ABHD17B: variants seen among roughly 807,000 people sequenced by gnomAD.
The protein encoded by ABHD17B is alpha/beta hydrolase domain-containing protein 17B.
Under a neutral mutation model 26.2 loss-of-function variants are expected in ABHD17B, and 9 were observed. That is an observed-to-expected ratio of 0.34 (90% CI 0.21 to 0.60). The LOEUF (loss-of-function observed/expected upper bound fraction) is 0.60, where lower values mean the gene tolerates loss of function less well. Ranked by LOEUF, ABHD17B falls within the 20% of genes least tolerant of loss-of-function variation. ABHD17B has a pLI of 0.80. For synonymous variants in ABHD17B, 127 were observed against 122.3 expected (o/e 1.04, Z -0.25); for missense variants, 224 against 352.1 (o/e 0.64, Z 2.91).
downstream of ABHD17B, chr9:71,865,056 A>T (rs546320711): frequency 5.7e-4 from 385 of 679,234 alleles, no homozygotes; most frequent in Non-Finnish European, 6.8e-4. Context: ...AATTTTAAAA[A>T]TTTTCAAACT....
chr9:71,902,897 A>G (rs1051213665), intron 1 of ABHD17B, among the ~76,000 whole-genome samples: 7 of 152,194 alleles, frequency 4.6e-5, no homozygotes, highest in Non-Finnish European at 1.0e-4. Flanking sequence ...AAGCCAAACA[A>G]GTTTGACATG....
intron 1 of ABHD17B, among the ~76,000 whole-genome samples, chr9:71,904,505 G>C (rs1827227773): frequency 6.6e-6 from 1 of 152,072 alleles, no homozygotes; most frequent in Non-Finnish European, 1.5e-5. Context: ...AAAAAAATTA[G>C]GGTCATCAGT....
Position 71,870,072 on chromosome 9 carries a change from T to C in ABHD17B, c.647+11A>G, listed in dbSNP as rs758224771. 1.9e-6 allele frequency: 3 copies of C among 1,597,438 alleles called. No homozygotes were observed. Among genetic ancestry groups the C allele is most frequent in the South Asian group, 2.3e-5 (2 of 87,784 alleles). ...TCTTGGAATTTAACTATTTTGAATA[T>C]TGCTACTTACTTTGGGAATGCATCA... On this transcript the variant is annotated intron_variant, in intron 3 of 3. Transcript: ENST00000333421.
chr9:71,887,885 C>A (rs1211785668), intron 1 of ABHD17B, among the ~76,000 whole-genome samples: 1 of 152,122 alleles, frequency 6.6e-6, no homozygotes, highest in Non-Finnish European at 1.5e-5. Context: ...ATTTCTAACC[C>A]AATTCTAACA....
intron 1 of ABHD17B, among the ~76,000 whole-genome samples, chr9:71,879,023 G>C (rs1199502683): frequency 6.6e-6 from 1 of 152,182 alleles, no homozygotes; most frequent in Non-Finnish European, 1.5e-5. Context: ...GGGCATGGTA[G>C]TGTGTGCCTG....
At chr9:71,884,577 G>A (rs1044008279) in intron 1 of ABHD17B, among the ~76,000 whole-genome samples, 3 of 151,756 alleles carry the variant, frequency 2.0e-5, no homozygotes, top group Non-Finnish European at 2.9e-5. Context: ...CATTTCTAAG[G>A]GTACATATGT....
intron 1 of ABHD17B, among the ~76,000 whole-genome samples, chr9:71,887,892 A>T (rs186120346): frequency 5.3e-4 from 80 of 152,332 alleles, no homozygotes; most frequent in African/African-American, 1.8e-3. Flanking sequence ...ACCCAATTCT[A>T]ACATAAAAGC....
chr9:71,908,955 C>T (rs1304649922), intron 1 of ABHD17B, among the ~76,000 whole-genome samples: 3 of 152,188 alleles, frequency 2.0e-5, no homozygotes, highest in Non-Finnish European at 4.4e-5. Context: ...CAGTGTCAAA[C>T]TTGGAACAGA....
Position 71,889,317 on chromosome 9 carries a change from A to T in ABHD17B, c.-3-14234T>A, listed in dbSNP as rs1205361155. Among the ~76,000 whole-genome samples the T allele has an allele frequency of 1.8e-4, 4 of 22,714 alleles. No individual in the cohort carries two copies. The Admixed American group carries it at 3.1e-3, about 17-fold the overall frequency. 14.9% of individuals were successfully genotyped at this position (22,714 alleles called of 152,430 possible). A position where few individuals can be genotyped will look rare whatever the true frequency, so the allele number is the denominator to read the frequency against. On this transcript the variant is annotated intron_variant, in intron 1 of 3. Coordinates refer to ENST00000333421, the MANE Select transcript of ABHD17B (RefSeq NM_001025780.3). ...GGACGACAGTGCGAGACTCCGTCTA[A>T]AGAAAAAAAAAAAAATCAAACCGCA...
chr9:71,887,622 T>C (rs1386034409), intron 1 of ABHD17B, among the ~76,000 whole-genome samples: 1 of 152,228 alleles, frequency 6.6e-6, no homozygotes, highest in Non-Finnish European at 1.5e-5. Context: ...TTTCTTTCAC[T>C]ACAGAAAGCC....
intron 1 of ABHD17B, among the ~76,000 whole-genome samples, chr9:71,899,584 A>G (rs1315434772): frequency 6.6e-6 from 1 of 152,206 alleles, no homozygotes; most frequent in African/African-American, 2.4e-5. Flanking sequence ...CATTACTTGG[A>G]CCTGTAGGAA....
chr9:71,866,370 T>C lies in ABHD17B; in HGVS notation c.*417A>G. 5 of 984,780 alleles carry C rather than the reference T, an allele frequency of 5.1e-6. No individual in the cohort carries two copies. The highest frequency in any genetic ancestry group is 4.9e-6 in the Non-Finnish European group (4 of 823,778). The allele number at this position is 984,780 out of a possible 1,614,324, so 61.0% of individuals were successfully genotyped here. ...TTCATTCCATTATGAGTACTTAAAT[T>C]GCTTTAGATACATAGCTTTTTTCAA... On this transcript the variant is annotated 3_prime_UTR_variant, in exon 4 of 4. Coordinates refer to ENST00000333421, the MANE Select transcript of ABHD17B (RefSeq NM_001025780.3).
intron 1 of ABHD17B, among the ~76,000 whole-genome samples, chr9:71,892,270 C>A (rs1826807058): frequency 6.6e-6 from 1 of 152,044 alleles, no homozygotes. Context: ...CAGTGACTCA[C>A]ACCTGTAATC....
chr9:71,896,245 T>C (rs1490278736), intron 1 of ABHD17B, among the ~76,000 whole-genome samples: 1 of 152,212 alleles, frequency 6.6e-6, no homozygotes, highest in African/African-American at 2.4e-5. Flanking sequence ...TTCTATATGA[T>C]TAACATTCTC....
intron 1 of ABHD17B, among the ~76,000 whole-genome samples, chr9:71,886,185 GCT>G (rs1564067734): frequency 6.6e-6 from 1 of 152,174 alleles, no homozygotes; most frequent in Non-Finnish European, 1.5e-5. Flanking sequence ...GAAACTCTAA[GCT>G]CTGAGTGTTA....
At chr9:71,899,562 T>C (rs988610334) in intron 1 of ABHD17B, among the ~76,000 whole-genome samples, 20 of 152,220 alleles carry the variant, frequency 1.3e-4, no homozygotes, top group Admixed American at 1.2e-3. Flanking sequence ...GAATTAAATA[T>C]ATCTTTGACA....
Position 71,865,821 on chromosome 9 carries a change from A to C in ABHD17B, c.*966T>G. On this transcript the variant is annotated 3_prime_UTR_variant, in exon 4 of 4. Transcript: ENST00000333421. ...GGTTGCAGTGAATCAAGATCGCGCCACTGCACTCCAGCCTCAGTGACACAG... is the reference window on the plus strand; with the variant it reads ...GGTTGCAGTGAATCAAGATCGCGCCCCTGCACTCCAGCCTCAGTGACACAG... 1.1e-6 allele frequency: 1 copy of C among 923,178 alleles called. No individual in the cohort carries two copies. 57.2% of individuals were successfully genotyped at this position (923,178 alleles called of 1,614,324 possible). A position where few individuals can be genotyped will look rare whatever the true frequency, so the allele number is the denominator to read the frequency against.
intron 1 of ABHD17B, among the ~76,000 whole-genome samples, chr9:71,883,927 ACT>A (rs1826527138): frequency 6.6e-6 from 1 of 151,552 alleles, no homozygotes; most frequent in Non-Finnish European, 1.5e-5. Context: ...ACAGAGCAAG[ACT>A]CTGTCTCAAA....
chr9:71,900,370 T>TA (rs1827095892), intron 1 of ABHD17B, among the ~76,000 whole-genome samples: 1 of 152,086 alleles, frequency 6.6e-6, no homozygotes, highest in East Asian at 1.9e-4. Context: ...TCTCTACTTG[T>TA]AAAAAAATCA....
Sources: allele counts gnomAD v4.1 joint callset (sites outside exome capture counted in the v4.1 genomes callset), GRCh38; gene constraint gnomAD v4.1.1; transcripts MANE v1.5; gene names NCBI Gene and HGNC (gene_info 2026-07-23, HGNC 2026-07-21).